The following PDGFD variants were observed in gnomAD, a reference collection of about 807,000 sequenced individuals.
PDGFD encodes platelet derived growth factor D, also known as platelet-derived growth factor D.
Under a neutral mutation model 44.7 loss-of-function variants are expected in PDGFD, and 30 were observed. That is an observed-to-expected ratio of 0.67 (90% CI 0.50 to 0.91). PDGFD has a LOEUF of 0.91. Ranked by LOEUF, PDGFD falls within the 40% of genes least tolerant of loss-of-function variation. The probability of loss-of-function intolerance (pLI) is 0.00; values close to 1 mark genes in which losing one functional copy is unlikely to be tolerated. For synonymous variants in PDGFD, 173 were observed against 168.4 expected, an observed-to-expected ratio of 1.03 and a Z score of -0.21; for missense variants, 445 against 457.8, an observed-to-expected ratio of 0.97 and a Z score of 0.25.
At chr11:104,049,995 G>A (rs1047151530) in intron 1 of PDGFD, among the ~76,000 whole-genome samples, 2 of 152,124 alleles carry the variant, frequency 1.3e-5, no homozygotes, top group African/African-American at 4.8e-5. Flanking sequence ...ATAGAGGTAG[G>A]GGCCATGAGA....
At chr11:103,984,539 C>A (rs1859323702) in intron 3 of PDGFD, among the ~76,000 whole-genome samples, 1 of 151,506 alleles carries the variant, frequency 6.6e-6, no homozygotes, top group South Asian at 2.1e-4. Context: ...AACAAACCTG[C>A]ACATGTGCCC....
chr11:104,014,333 T>C (rs1859828844), intron 1 of PDGFD, among the ~76,000 whole-genome samples: 1 of 152,074 alleles, frequency 6.6e-6, no homozygotes, highest in African/African-American at 2.4e-5. Flanking sequence ...CCATGTCTAC[T>C]AAAAATAAAA....
At chr11:104,115,852 T>C (rs1861628792) in intron 1 of PDGFD, among the ~76,000 whole-genome samples, 1 of 152,132 alleles carries the variant, frequency 6.6e-6, no homozygotes, top group Non-Finnish European at 1.5e-5. Context: ...GAACTGTCTA[T>C]TCATGTCCTT....
intron 1 of PDGFD, among the ~76,000 whole-genome samples, chr11:104,146,710 T>C (rs1240004454): frequency 6.6e-6 from 1 of 152,152 alleles, no homozygotes; most frequent in Non-Finnish European, 1.5e-5. Flanking sequence ...TACCCAGACG[T>C]TTTCCTCCTG....
chr11:104,099,912 T>C (rs1037445875), intron 1 of PDGFD, among the ~76,000 whole-genome samples: 10 of 152,102 alleles, frequency 6.6e-5, no homozygotes, highest in African/African-American at 2.4e-4. Flanking sequence ...CACGGATTGC[T>C]TTAATCTGCA....
At chr11:104,079,224 A>C (rs1861009698) in intron 1 of PDGFD, among the ~76,000 whole-genome samples, 1 of 152,158 alleles carries the variant, frequency 6.6e-6, no homozygotes, top group Admixed American at 6.6e-5. Flanking sequence ...TATCTTAATC[A>C]CCTCACCACA....
At chr11:103,961,200 A>T (rs2134337103) in intron 3 of PDGFD, among the ~76,000 whole-genome samples, 1 of 152,338 alleles carries the variant, frequency 6.6e-6, no homozygotes, top group East Asian at 1.9e-4. Flanking sequence ...TTGCAATGGA[A>T]GAATGACTAG....
chr11:103,974,553 T>G (rs947858506), intron 3 of PDGFD, among the ~76,000 whole-genome samples: 1 of 152,168 alleles, frequency 6.6e-6, no homozygotes, highest in Non-Finnish European at 1.5e-5. Flanking sequence ...GGTGGTTTGT[T>G]GCACCCATCA....
intron 6 of PDGFD, among the ~76,000 whole-genome samples, chr11:103,911,104 C>T (rs888946217): frequency 2.0e-5 from 3 of 152,200 alleles, no homozygotes; most frequent in African/African-American, 7.2e-5. Flanking sequence ...ATAGATAAAA[C>T]CCCCATCTCC....
At chr11:104,037,220 A>C (rs760953643) in intron 1 of PDGFD, 6 of 1,613,726 alleles carry the variant, frequency 3.7e-6, no homozygotes, top group Non-Finnish European at 5.1e-6. Context: ...TCAGGAGAGA[A>C]GGTGGCCGGC....
chr11:104,075,329 G>A (rs1294873976), intron 1 of PDGFD, among the ~76,000 whole-genome samples: 1 of 151,002 alleles, frequency 6.6e-6, no homozygotes, highest in Non-Finnish European at 1.5e-5. Context: ...AGAAGCCTTT[G>A]GCAAAATACA....
At chr11:104,096,568 C>T (rs1861291652) in intron 1 of PDGFD, among the ~76,000 whole-genome samples, 1 of 152,132 alleles carries the variant, frequency 6.6e-6, no homozygotes, top group African/African-American at 2.4e-5. Context: ...ACAGAGGATG[C>T]ACAGAAGATT....
At chr11:103,962,074 A>T (rs997009893) in intron 3 of PDGFD, among the ~76,000 whole-genome samples, 1 of 152,174 alleles carries the variant, frequency 6.6e-6, no homozygotes, top group Admixed American at 6.5e-5. Flanking sequence ...ACAGATAGCT[A>T]TTCAGGGAAA....
At chr11:104,059,588 T>A (rs986735072) in intron 1 of PDGFD, among the ~76,000 whole-genome samples, 1 of 152,216 alleles carries the variant, frequency 6.6e-6, no homozygotes, top group Non-Finnish European at 1.5e-5. Flanking sequence ...CTTTTCCAAT[T>A]TACATTATAA....
intron 3 of PDGFD, among the ~76,000 whole-genome samples, chr11:103,973,138 C>CT (rs555810765): frequency 0.01 from 1,401 of 134,370 alleles, 21 homozygotes; most frequent in African/African-American, 0.016. Flanking sequence ...AAAGTGGTCA[C>CT]TTTTTTTTTT....
chr11:104,080,833 T>A (rs1861035374), intron 1 of PDGFD, among the ~76,000 whole-genome samples: 1 of 152,298 alleles, frequency 6.6e-6, no homozygotes, highest in African/African-American at 2.4e-5. Context: ...CTCGCTCTGG[T>A]TGGAAACCAG....
chr11:104,129,780 G>A (rs1204207123), intron 1 of PDGFD, among the ~76,000 whole-genome samples: 2 of 152,054 alleles, frequency 1.3e-5, no homozygotes, highest in African/African-American at 4.8e-5. Context: ...AGGCTGAGGT[G>A]GGTGGATCAC....
At chr11:103,974,629 GC>G (rs1444150945) in intron 3 of PDGFD, among the ~76,000 whole-genome samples, 2 of 151,720 alleles carry the variant, frequency 1.3e-5, no homozygotes, top group Non-Finnish European at 2.9e-5. Context: ...CCCTCCCCTT[GC>G]CCCCCACCTC....
intron 1 of PDGFD, among the ~76,000 whole-genome samples, chr11:104,105,708 T>C (rs535650078): frequency 7.2e-5 from 11 of 151,872 alleles, no homozygotes; most frequent in Non-Finnish European, 1.3e-4. Context: ...AAAATGACAG[T>C]AGGAAAATAA....
Sources: allele counts gnomAD v4.1 joint callset (sites outside exome capture counted in the v4.1 genomes callset), GRCh38; gene constraint gnomAD v4.1.1; transcripts MANE v1.5; gene names NCBI Gene and HGNC (gene_info 2026-07-23, HGNC 2026-07-21).